SETD2: variants seen among roughly 807,000 people sequenced by gnomAD.
SETD2 encodes the protein histone-lysine N-methyltransferase SETD2.
Under a neutral mutation model 242.1 loss-of-function variants are expected in SETD2, and 31 were observed. That is an observed-to-expected ratio of 0.13 (90% CI 0.10 to 0.17). SETD2 has a LOEUF of 0.17. Among genes scored for constraint, SETD2 ranks in the 10% least tolerant of loss-of-function variants. The pLI is 1.00. For missense variants in SETD2, 2,481 were observed against 3,046.3 expected, an observed-to-expected ratio of 0.81 and a Z score of 4.37; for synonymous variants, 1,006 against 1,066.5, an observed-to-expected ratio of 0.94 and a Z score of 1.11.
At chr3:47,040,591 T>TTTTTTTTTG (rs2039234839) in intron 17 of SETD2, among the ~76,000 whole-genome samples, 1 of 145,892 alleles carries the variant, frequency 6.9e-6, no homozygotes. Flanking sequence ...TTTTTTTTTT[T>TTTTTTTTTG]GGAGACAAGG....
chr3:47,076,320 T>C (rs888034923), intron 12 of SETD2, among the ~76,000 whole-genome samples: 1 of 152,168 alleles, frequency 6.6e-6, no homozygotes, highest in East Asian at 1.9e-4. Context: ...AACCAGACCA[T>C]GGCCAGGCAT....
chr3:47,134,883 C>T (rs774351825), intron 1 of SETD2, among the ~76,000 whole-genome samples: 3 of 152,190 alleles, frequency 2.0e-5, no homozygotes, highest in Non-Finnish European at 4.4e-5. Flanking sequence ...CTCGGTCTCC[C>T]AAAGTGCTGG....
rs200970326 is a variant in SETD2 at position 47,056,092 on chromosome 3, ATTTTTAT to A, written c.6963+722_6963+728del. On this transcript the variant is annotated intron_variant, in intron 15 of 20. Coordinates refer to ENST00000409792, the MANE Select transcript of SETD2 (RefSeq NM_014159.7). Reference sequence around the variant, plus strand: ...AAAAAAAAAAAGAAAAGAAAACATGATTTTTATTTATTTATTTATTTATTTATTTATT... The same window carrying A: ...AAAAAAAAAAAGAAAAGAAAACATGATTATTTATTTATTTATTTATTTATT... Among the ~76,000 whole-genome samples, 22 of 112,996 alleles carry A rather than the reference ATTTTTAT, an allele frequency of 1.9e-4. No individual in the cohort carries two copies. In the East Asian group the frequency reaches 4.2e-3, roughly 22 times the overall value. The allele number at this position is 112,996 out of a possible 152,430, so 74.1% of individuals were successfully genotyped here.
Position 47,161,128 on chromosome 3 carries a change from T to C in SETD2, c.71+2726A>G, listed in dbSNP as rs1047012112. Among the ~76,000 whole-genome samples the C allele has an allele frequency of 6.6e-5, 10 of 152,222 alleles. No individual in the cohort carries two copies. The South Asian group carries it at 2.1e-3, about 31-fold the overall frequency. ...TTGGTCATTTCTCCCCTGAGCCATG[T>C]TGCCCACCTAGTCTTTTCATCCTCA... On this transcript the variant is annotated intron_variant, in intron 1 of 20. Coordinates refer to ENST00000409792, the MANE Select transcript of SETD2 (RefSeq NM_014159.7).
At chr3:47,105,876 C>T (rs753810270) in intron 6 of SETD2, 121 bp downstream of exon 6, 4 of 1,181,216 alleles carry the variant, frequency 3.4e-6, no homozygotes, top group Non-Finnish European at 4.7e-6. Flanking sequence ...GCACTCCAGC[C>T]TGGGCGATAG....
intron 18 of SETD2, 87 bp from the exon 19 acceptor site, chr3:47,019,927 C>G (rs956979778): frequency 9.8e-6 from 11 of 1,120,540 alleles, no homozygotes; most frequent in Non-Finnish European, 1.4e-5. Flanking sequence ...CCTTTCTTTC[C>G]CCTAGCAGGG....
At chr3:47,141,246 G>A (rs935136532) in intron 1 of SETD2, among the ~76,000 whole-genome samples, 34 of 152,038 alleles carry the variant, frequency 2.2e-4, no homozygotes, top group Admixed American at 2.0e-3. Flanking sequence ...GGGCTCAAGC[G>A]ATCTGCCTGC....
intron 3 of SETD2, chr3:47,119,862 G>GT (rs571865210): frequency 8.0e-5 from 38 of 472,352 alleles, no homozygotes; most frequent in East Asian, 4.6e-4. Context: ...GTTTTATTCT[G>GT]TTTTTTTGGT....
chr3:47,106,693 T>A (rs183111785), intron 5 of SETD2, among the ~76,000 whole-genome samples: 4 of 150,440 alleles, frequency 2.7e-5, no homozygotes, highest in African/African-American at 7.3e-5. Context: ...GCACCTGTAG[T>A]CCCAGCTACT....
intron 1 of SETD2, among the ~76,000 whole-genome samples, chr3:47,134,634 CTT>C (rs879497572): frequency 1.4e-5 from 2 of 145,664 alleles, no homozygotes; most frequent in Non-Finnish European, 1.5e-5. Flanking sequence ...TGCTCAATGA[CTT>C]TTTTTTTTTT....
intron 12 of SETD2, among the ~76,000 whole-genome samples, chr3:47,077,941 G>GA (rs1559695804): frequency 6.6e-6 from 1 of 152,136 alleles, no homozygotes; most frequent in African/African-American, 2.4e-5. Context: ...GGTAAAATAA[G>GA]AATCTATGAG....
intron 8 of SETD2, among the ~76,000 whole-genome samples, chr3:47,100,109 T>C (rs2107679508): frequency 6.6e-6 from 1 of 150,670 alleles, no homozygotes; most frequent in South Asian, 2.1e-4. Context: ...CACCTGGCTA[T>C]TTTTTGTATT....
chr3:47,097,905 C>A lies in SETD2; in HGVS notation c.5142+50G>T, dbSNP rs374386157. On this transcript the variant is annotated intron_variant, in intron 9 of 20. Coordinates refer to ENST00000409792, the MANE Select transcript of SETD2 (RefSeq NM_014159.7). ...TAACCTTCAATCAGAAAAGCCACCT[C>A]GCTTTTTAAATTTTTTATTGTGAAA... 3.8e-6 allele frequency: 6 copies of A among 1,593,732 alleles called. No homozygotes were observed. The African/African-American group carries it at 8.1e-5, about 21-fold the overall frequency.
chr3:47,043,198 AT>A (rs1313905276), intron 16 of SETD2, among the ~76,000 whole-genome samples: 1 of 152,154 alleles, frequency 6.6e-6, no homozygotes, highest in East Asian at 1.9e-4. Flanking sequence ...TTATGGACTG[AT>A]TTTTGTTTCC....
intron 1 of SETD2, among the ~76,000 whole-genome samples, chr3:47,160,283 C>T (rs936488037): frequency 2.0e-5 from 3 of 151,944 alleles, no homozygotes; most frequent in African/African-American, 7.2e-5. Flanking sequence ...CCTTTGAACA[C>T]TCTACATTAT....
chr3:47,128,766 T>C (rs543066678), intron 1 of SETD2, among the ~76,000 whole-genome samples: 238 of 152,340 alleles, frequency 1.6e-3, no homozygotes, highest in African/African-American at 4.7e-3. Context: ...ATCAATGGTA[T>C]AATAGTTTTA....
At chr3:47,132,341 G>C (rs761421343) in intron 1 of SETD2, among the ~76,000 whole-genome samples, 2 of 152,004 alleles carry the variant, frequency 1.3e-5, no homozygotes, top group Non-Finnish European at 2.9e-5. Flanking sequence ...ACAAAAACTA[G>C]CCAGGTGTGG....
At chr3:47,154,950 C>T (rs1255852957) in intron 1 of SETD2, among the ~76,000 whole-genome samples, 1 of 151,582 alleles carries the variant, frequency 6.6e-6, no homozygotes, top group African/African-American at 2.4e-5. Flanking sequence ...GCCGAGATCG[C>T]ACCACCGCAC....
chr3:47,057,033 C>T lies in SETD2; in HGVS notation c.6751G>A (p.Asp2251Asn), dbSNP rs2040113938. ...ACTGGCAAGACAGCAACGCTGGAGT[C>T]TTGGTGTACTACACCATCACTCTGG... ...VAQSDGVVHQ[D>N]SSVAVLPVPA... The change falls in exon 15 of 21, where the codon GAC becomes AAC. Residue 2251 changes from aspartate (D) to asparagine (N), a missense_variant. By Grantham distance (23) the Asp-to-Asn change is conservative (BLOSUM62 1). This residue lies in a region of SETD2 where 235 missense variants were observed against 293.9 expected (regional missense o/e 0.80). Coordinates refer to ENST00000409792, the MANE Select transcript of SETD2 (RefSeq NM_014159.7). 1 of 1,614,138 alleles carries T rather than the reference C, an allele frequency of 6.2e-7. No individual in the cohort carries two copies. The highest frequency in any genetic ancestry group is 8.5e-7 in the Non-Finnish European group (1 of 1,180,046).
Sources: gnomAD v4.1 joint callset for allele counts (sites outside exome capture counted in the v4.1 genomes callset) on GRCh38, gnomAD v4.1.1 for gene constraint, gnomAD v4.1.1 regional missense constraint, MANE v1.5 for transcripts, NCBI Gene and HGNC (gene_info 2026-07-23, HGNC 2026-07-21) for gene names.